Variants in GOLGA8S observed in about 807,000 individuals in gnomAD.
GOLGA8S encodes golgin subfamily A member 8S.
Under a neutral mutation model 58.9 loss-of-function variants are expected in GOLGA8S, and 23 were observed. The observed-to-expected ratio is 0.39, with a 90% CI of 0.28 to 0.55. GOLGA8S has a LOEUF of 0.55. Among genes scored for constraint, GOLGA8S ranks in the 20% least tolerant of loss-of-function variants. The pLI is 0.63. For missense variants in GOLGA8S, 266 were observed against 514.2 expected (o/e 0.52, Z 4.67); for synonymous variants, 84 against 195.7 (o/e 0.43, Z 4.76).
chr15:23,364,214 A>C lies in GOLGA8S; in HGVS notation c.1348-129A>C, dbSNP rs545568358. 21 of 1,487,392 alleles carry C rather than the reference A, an allele frequency of 1.4e-5. 1 individual carries two copies. The highest frequency in any genetic ancestry group is 1.4e-4 in the African/African-American group (10 of 72,812). 92.1% of individuals were successfully genotyped at this position (1,487,392 alleles called of 1,614,324 possible). On this transcript the variant is annotated intron_variant, in intron 15 of 18. Transcript: ENST00000562295. ...GGCGAGTCTGTGAGTGGGGAGACCCACTGGGCCCTGCAGGAAGTCACGGAG... is the reference window on the plus strand; with the variant it reads ...GGCGAGTCTGTGAGTGGGGAGACCCCCTGGGCCCTGCAGGAAGTCACGGAG...
exon 11 of GOLGA8S, chr15:23,360,753 A>G (rs1227947515): frequency 8.4e-7 from 1 of 1,186,458 alleles, no homozygotes; most frequent in Non-Finnish European, 1.3e-6. Flanking sequence ...AAGGAGAAGA[A>G]GCATGATAAA....
intron 4 of GOLGA8S, 35 bp from the exon 5 acceptor site, chr15:23,358,437 C>A (rs1436028224): frequency 1.2e-6 from 1 of 851,288 alleles, no homozygotes; most frequent in Non-Finnish European, 1.9e-6. Flanking sequence ...TTGAGGGGGC[C>A]ACCCTCCATC....
At chr15:23,361,364 A>G in exon 12 of GOLGA8S, 1 of 1,135,384 alleles carries the variant, frequency 8.8e-7, no homozygotes, top group Non-Finnish European at 1.3e-6. Flanking sequence ...TGAGGGGCAA[A>G]AGGAGAGGCT....
At chr15:23,364,654 G>A in intron 17 of GOLGA8S, 31 bp downstream of exon 17, 1 of 1,210,428 alleles carries the variant, frequency 8.3e-7, no homozygotes, top group Non-Finnish European at 1.1e-6. Flanking sequence ...GTGGGGGTGG[G>A]GGTGGGGGTG....
intron 1 of GOLGA8S, among the ~76,000 whole-genome samples, chr15:23,356,184 G>T (rs1312373872): frequency 0.016 from 2,264 of 143,188 alleles, 41 homozygotes; most frequent in Middle Eastern, 0.049. Flanking sequence ...AGGACACATT[G>T]ATATAAGAGT....
At chr15:23,357,873 T>C (rs905303638) in intron 4 of GOLGA8S, among the ~76,000 whole-genome samples, 29 of 150,082 alleles carry the variant, frequency 1.9e-4, no homozygotes, top group Non-Finnish European at 3.3e-4. Context: ...TTGTTGCCTC[T>C]TGGGGAAGTG....
At chr15:23,362,211 CA>C (rs1241124598) in intron 13 of GOLGA8S, among the ~76,000 whole-genome samples, 2 of 147,766 alleles carry the variant, frequency 1.4e-5, no homozygotes, top group Non-Finnish European at 3.0e-5. Flanking sequence ...ATTACAAAAA[CA>C]AAAAACAAAA....
exon 12 of GOLGA8S, chr15:23,361,409 G>A: frequency 1.0e-6 from 1 of 958,162 alleles, no homozygotes. Flanking sequence ...AGAGCAGGAG[G>A]AGAGGCTTCA....
At chr15:23,359,366 C>A (rs1440463753) in intron 8 of GOLGA8S, among the ~76,000 whole-genome samples, 157 bp downstream of exon 8, 2 of 145,368 alleles carry the variant, frequency 1.4e-5, no homozygotes, top group East Asian at 3.9e-4. Context: ...CAGCTTGGGA[C>A]TGAGTCAGCT....
At chr15:23,359,977 C>T (rs373691481) in intron 8 of GOLGA8S, among the ~76,000 whole-genome samples, 4 of 149,596 alleles carry the variant, frequency 2.7e-5, no homozygotes, top group African/African-American at 1.0e-4. Context: ...AAAGTTCAAA[C>T]AGTGGTAATA....
chr15:23,364,390 G>A, exon 16 of GOLGA8S: 1 of 1,603,362 alleles, frequency 6.2e-7, no homozygotes, highest in Non-Finnish European at 8.5e-7. Flanking sequence ...TGAGTGAGCT[G>A]GTGAAGAAAC....
chr15:23,368,125 G>A (rs545891079), downstream of GOLGA8S, among the ~76,000 whole-genome samples: 1 of 151,872 alleles, frequency 6.6e-6, no homozygotes, highest in Non-Finnish European at 1.5e-5. Flanking sequence ...ACAGTGGGAA[G>A]GAAAAGCAGA....
At chr15:23,365,382 A>G, downstream of GOLGA8S, 7 of 607,794 alleles carry the variant, frequency 1.2e-5, 1 homozygote, top group South Asian at 1.2e-4. Context: ...ATTGTAGGTC[A>G]TTAGCATGCA....
chr15:23,364,202 G>A (rs2069864605), intron 15 of GOLGA8S, 141 bp from the exon 16 acceptor site: 1 of 1,472,126 alleles, frequency 6.8e-7, no homozygotes, highest in Non-Finnish European at 9.1e-7. Context: ...GAGTCTGTGA[G>A]TGGGGAGACC....
intron 16 of GOLGA8S, 36 bp downstream of exon 16, chr15:23,364,479 C>T: frequency 6.2e-7 from 1 of 1,605,466 alleles, no homozygotes; most frequent in Non-Finnish European, 8.5e-7. Context: ...GGGGGAGCTA[C>T]AGGGCCGTCG....
rs532671743 is a variant in GOLGA8S, at chr15:23,359,530, T to G, written c.591+321T>G. On this transcript the variant is annotated intron_variant, in intron 8 of 18. Transcript: ENST00000562295. ...CTGTGAAGGTACAGAAGAGTACCTTTAGTATGTTACCATTTCTGTAGAGAG... is the reference window on the plus strand; with the variant it reads ...CTGTGAAGGTACAGAAGAGTACCTTGAGTATGTTACCATTTCTGTAGAGAG... 6.6e-4 allele frequency among the ~76,000 whole-genome samples: 94 copies of G among 142,518 alleles called. 4 individuals are homozygous for G. Among genetic ancestry groups the G allele is most frequent in the African/African-American group, 2.4e-3 (90 of 37,446 alleles). The allele number at this position is 142,518 out of a possible 152,430, so 93.5% of individuals were successfully genotyped here.
Position 23,363,670 on chromosome 15 carries a change from ACCC to A in GOLGA8S, c.1256-5_1256-3del, listed in dbSNP as rs3034467. 4,298 of 411,694 alleles carry A rather than the reference ACCC, an allele frequency of 0.01. 719 individuals carry two copies. Among genetic ancestry groups the A allele is most frequent in the South Asian group, 0.021 (842 of 39,830 alleles). 25.5% of individuals were successfully genotyped at this position (411,694 alleles called of 1,614,324 possible). A position where few individuals can be genotyped will look rare whatever the true frequency, so the allele number is the denominator to read the frequency against. ...GAGGACCCCTCTGGCCACCACCCCC[ACCC>A]CCAGGAGATGGAGGAGGACATCTGG... is the stretch of plus-strand genomic sequence containing the variant. On this transcript the variant is annotated splice_region_variant and splice_polypyrimidine_tract_variant and intron_variant, in intron 14 of 18. Coordinates refer to ENST00000562295, the Ensembl canonical transcript of GOLGA8S.
chr15:23,358,341 G>C (rs1215869508), intron 4 of GOLGA8S, 131 bp from the exon 5 acceptor site: 1 of 664,464 alleles, frequency 1.5e-6, no homozygotes, highest in African/African-American at 1.8e-5. Flanking sequence ...GAGTTTACCA[G>C]TTCGAGTTCC....
chr15:23,361,241 C>G, exon 12 of GOLGA8S: 1 of 1,494,192 alleles, frequency 6.7e-7, no homozygotes, highest in Non-Finnish European at 9.2e-7. Flanking sequence ...GCCCCCGGAG[C>G]CCCCAGCAGT....
Sources: gnomAD v4.1 joint callset for allele counts (sites outside exome capture counted in the v4.1 genomes callset) on GRCh38, gnomAD v4.1.1 for gene constraint, MANE v1.5 for transcripts, NCBI Gene and HGNC (gene_info 2026-07-23, HGNC 2026-07-21) for gene names.